ARID2: variants seen among roughly 807,000 people sequenced by gnomAD.
ARID2 encodes AT-rich interactive domain-containing protein 2.
ARID2 carries 32 observed loss-of-function variants against 184.6 expected under a neutral mutation model. The observed-to-expected ratio is 0.17, with a 90% CI of 0.13 to 0.23. The LOEUF (loss-of-function observed/expected upper bound fraction) is 0.23, where lower values mean the gene tolerates loss of function less well. ARID2 is among the 10% of genes least tolerant of loss of function. The pLI is 1.00. For missense variants in ARID2, 1,696 were observed against 2,197.6 expected (o/e 0.77, Z 4.56); for synonymous variants, 836 against 772.6 (o/e 1.08, Z -1.36).
intron 3 of ARID2, chr12:45,756,098 G>T (rs113832960): frequency 2.6e-5 from 4 of 152,244 alleles, no homozygotes; most frequent in Non-Finnish European, 5.9e-5. Flanking sequence ...TAGAGATGGG[G>T]TTTCACCATG....
At chr12:45,860,743 T>C (rs1244971556) in intron 15 of ARID2, 58 bp from the exon 16 acceptor site, 4 of 1,370,726 alleles carry the variant, frequency 2.9e-6, no homozygotes, top group Non-Finnish European at 3.8e-6. Context: ...GACTATACTA[T>C]AAAATATGAA....
chr12:45,891,474 GTTA>G (rs1477438497), intron 16 of ARID2, among the ~76,000 whole-genome samples: 4 of 152,160 alleles, frequency 2.6e-5, no homozygotes, highest in African/African-American at 4.8e-5. Flanking sequence ...ATATGCTTGA[GTTA>G]TTATATGTAA....
In ARID2 at chr12:45,852,148, A is replaced by C. The variant is rs767617255; in HGVS notation, c.4025A>C (p.Glu1342Ala). The change falls in exon 15 of 21, where the codon GAA (glutamate) becomes GCA (alanine). Residue 1342 changes from glutamate to alanine, a missense_variant. Glu to Ala is a moderately radical substitution (Grantham distance 107). Coordinates refer to ENST00000334344, the MANE Select transcript of ARID2 (RefSeq NM_152641.4). ...GGAGCATCTGGGAAACAGAACTCAG[A>C]ACAAATAGACATGCAAGATATCAAA... ...ENGASGKQNS[E>A]QIDMQDIKSD... 3.1e-6 allele frequency: 5 copies of C among 1,614,172 alleles called. No individual in the cohort carries two copies. The highest frequency in any genetic ancestry group is 3.4e-6 in the Non-Finnish European group (4 of 1,180,014).
chr12:45,797,702 A>G (rs1471715999), intron 3 of ARID2, among the ~76,000 whole-genome samples: 1 of 151,982 alleles, frequency 6.6e-6, no homozygotes, highest in African/African-American at 2.4e-5. Flanking sequence ...TTTGCTTAGT[A>G]TGGCATGAGG....
chr12:45,799,832 C>T (rs1444674341), intron 3 of ARID2, among the ~76,000 whole-genome samples: 1 of 152,064 alleles, frequency 6.6e-6, no homozygotes, highest in African/African-American at 2.4e-5. Flanking sequence ...TAGCTAAAAC[C>T]CATAAATTTA....
intron 16 of ARID2, among the ~76,000 whole-genome samples, chr12:45,867,760 A>G (rs1466957490): frequency 1.3e-5 from 2 of 151,694 alleles, no homozygotes; most frequent in Admixed American, 6.6e-5. Context: ...AAAAAAAGAA[A>G]AAAAAACTTC....
At chr12:45,874,647 G>A (rs1187215782) in intron 16 of ARID2, among the ~76,000 whole-genome samples, 1 of 152,194 alleles carries the variant, frequency 6.6e-6, no homozygotes, top group Non-Finnish European at 1.5e-5. Context: ...TCATTCATGA[G>A]AATTGGAATC....
At chr12:45,791,891 A>G (rs1942299197) in intron 3 of ARID2, among the ~76,000 whole-genome samples, 1 of 152,234 alleles carries the variant, frequency 6.6e-6, no homozygotes, top group Non-Finnish European at 1.5e-5. Flanking sequence ...GCACTAGTCA[A>G]ATATTATAGT....
rs577756917 is a variant in ARID2 at position 45,767,432 on chromosome 12, A to G, written c.284+36118A>G. Among the ~76,000 whole-genome samples the G allele has an allele frequency of 2.8e-4, 42 of 151,798 alleles. No individual in the cohort carries two copies. The South Asian group carries it at 8.8e-3, about 32-fold the overall frequency. ...AAGATTCATGCTTTTAGTTACTTAC[A>G]TGGTTACTTGGAAATAAAAATATTT... On this transcript the variant is annotated intron_variant, in intron 3 of 20. Transcript: ENST00000334344.
In ARID2 at chr12:45,729,753, C is replaced by T. The variant is rs937505929; in HGVS notation, c.-84C>T. 2.2e-6 allele frequency: 3 copies of T among 1,376,944 alleles called. No homozygotes were observed. Among genetic ancestry groups the T allele is most frequent in the Middle Eastern group, 2.5e-4 (1 of 3,984 alleles). The allele number at this position is 1,376,944 out of a possible 1,614,324, so 85.3% of individuals were successfully genotyped here. A position where few individuals can be genotyped will look rare whatever the true frequency, so the allele number is the denominator to read the frequency against. Reference sequence around the variant, plus strand: ...CCGCCGCCGGCCGAGGAATGGGCTCCGGGCTCTGGTAGGAAGCGCTGGGAG... The same window carrying T: ...CCGCCGCCGGCCGAGGAATGGGCTCTGGGCTCTGGTAGGAAGCGCTGGGAG... On this transcript the variant is annotated 5_prime_UTR_variant, in exon 1 of 21. Transcript: ENST00000334344.
intron 16 of ARID2, among the ~76,000 whole-genome samples, chr12:45,878,796 T>G (rs1042433605): frequency 6.6e-6 from 1 of 152,188 alleles, no homozygotes; most frequent in Admixed American, 6.5e-5. Flanking sequence ...TTTTATACTT[T>G]TGGCGTGCCT....
rs147037242 is a variant in ARID2 at position 45,734,203 on chromosome 12, T to C, written c.284+2889T>C. Among the ~76,000 whole-genome samples, 731 of 152,190 alleles carry C rather than the reference T, an allele frequency of 4.8e-3. 3 individuals are homozygous for C. The highest frequency in any genetic ancestry group is 7.8e-3 in the Non-Finnish European group (528 of 67,992). On this transcript the variant is annotated intron_variant, in intron 3 of 20. Coordinates refer to ENST00000334344, the MANE Select transcript of ARID2 (RefSeq NM_152641.4). ...GGCCAACATGGTGAAACCCCGTGTC[T>C]ACCAAAAATAGAAAAATTAGCCTGG...
At chr12:45,835,485 A>G (rs866970756) in intron 6 of ARID2, among the ~76,000 whole-genome samples, 5 of 150,944 alleles carry the variant, frequency 3.3e-5, no homozygotes, top group Non-Finnish European at 5.9e-5. Context: ...TTAAATGCCT[A>G]AGAACTTTGA....
At chr12:45,904,657 C>T (rs1944498133) in intron 20 of ARID2, among the ~76,000 whole-genome samples, 1 of 139,550 alleles carries the variant, frequency 7.2e-6, no homozygotes, top group South Asian at 2.3e-4. Context: ...CGCCATTACA[C>T]TCCAGCCTGG....
At chr12:45,887,890 G>T (rs1218825579) in intron 16 of ARID2, among the ~76,000 whole-genome samples, 1 of 152,168 alleles carries the variant, frequency 6.6e-6, no homozygotes, top group African/African-American at 2.4e-5. Context: ...AGCTACATTT[G>T]GCTGAGATCC....
At chr12:45,822,408 C>T (rs1430015982) in intron 6 of ARID2, among the ~76,000 whole-genome samples, 2 of 151,996 alleles carry the variant, frequency 1.3e-5, no homozygotes, top group Non-Finnish European at 2.9e-5. Flanking sequence ...TGGTTGTGTG[C>T]GCCTGTAGTC....
At chr12:45,782,581 G>A (rs1023806062) in intron 3 of ARID2, among the ~76,000 whole-genome samples, 1 of 151,966 alleles carries the variant, frequency 6.6e-6, no homozygotes, top group South Asian at 2.1e-4. Flanking sequence ...GCAGTGAGCC[G>A]AGATCGCGCC....
Position 45,837,715 on chromosome 12 carries a change from T to C in ARID2, c.1330+8T>C. ...AAGTAGAAAAGAGCATAGGTAAGACTGGACCAAAAAACACTTATTTTCTTT... is the reference window on the plus strand; with the variant it reads ...AAGTAGAAAAGAGCATAGGTAAGACCGGACCAAAAAACACTTATTTTCTTT... On this transcript the variant is annotated splice_region_variant and intron_variant, in intron 10 of 20. Transcript: ENST00000334344. 2 of 1,608,012 alleles carry C rather than the reference T, an allele frequency of 1.2e-6. No homozygotes were observed. Among genetic ancestry groups the C allele is most frequent in the Non-Finnish European group, 1.7e-6 (2 of 1,175,040 alleles).
At chr12:45,783,142 A>G (rs1044817820) in intron 3 of ARID2, among the ~76,000 whole-genome samples, 1 of 152,114 alleles carries the variant, frequency 6.6e-6, no homozygotes, top group Non-Finnish European at 1.5e-5. Flanking sequence ...TCCAAAAAAA[A>G]AAGTGAAAAA....
Sources: allele counts gnomAD v4.1 joint callset (sites outside exome capture counted in the v4.1 genomes callset), GRCh38; gene constraint gnomAD v4.1.1; transcripts MANE v1.5; gene names NCBI Gene and HGNC (gene_info 2026-07-23, HGNC 2026-07-21).